Variants in PPFIBP1 observed in about 807,000 individuals in gnomAD.
PPFIBP1 encodes the protein liprin-beta-1.
A neutral mutation model predicts 137.8 loss-of-function variants in PPFIBP1; 112 were observed. The observed-to-expected ratio is 0.81, with a 90% CI of 0.70 to 0.95. PPFIBP1 has a LOEUF of 0.95. PPFIBP1 is among the 40% of genes least tolerant of loss of function. PPFIBP1 has a pLI of 0.00. For synonymous variants in PPFIBP1, 378 were observed against 417.3 expected (o/e 0.91, Z 1.15); for missense variants, 1,083 against 1,196.6 (o/e 0.91, Z 1.40).
At chr12:27,633,808 T>A (rs920371557) in intron 3 of PPFIBP1, among the ~76,000 whole-genome samples, 1 of 137,220 alleles carries the variant, frequency 7.3e-6, no homozygotes, top group African/African-American at 2.6e-5. Flanking sequence ...GAATTCAAAA[T>A]TCACTTTCCA....
chr12:27,680,081 A>G lies in PPFIBP1; in HGVS notation c.1895+20A>G. The G allele has an allele frequency of 6.2e-7, 1 of 1,612,900 alleles. No individual in the cohort carries two copies. Among genetic ancestry groups the G allele is most frequent in the South Asian group, 1.1e-5 (1 of 90,974 alleles). On this transcript the variant is annotated intron_variant, in intron 21 of 29. Transcript: ENST00000228425. ...TAACAGGTAAGAAGAGCCAACTGAT[A>G]GACTTTTGCATCTCTACCAAGCATC...
intron 1 of PPFIBP1, among the ~76,000 whole-genome samples, chr12:27,536,870 G>A (rs548437552): frequency 6.6e-6 from 1 of 152,304 alleles, no homozygotes; most frequent in East Asian, 1.9e-4. Context: ...AGATGTCTCA[G>A]AAGTCAAAGA....
At chr12:27,645,572 C>T (rs368499880) in intron 4 of PPFIBP1, among the ~76,000 whole-genome samples, 3 of 152,034 alleles carry the variant, frequency 2.0e-5, no homozygotes, top group African/African-American at 4.8e-5. Context: ...TAGAAGGTAA[C>T]GTTATACAAA....
chr12:27,593,309 C>G, intron 2 of PPFIBP1: 1 of 362,506 alleles, frequency 2.8e-6, no homozygotes, highest in South Asian at 2.2e-5. Context: ...TCACTTCGGG[C>G]CCCTTGGGAC....
At chr12:27,561,729 C>A (rs147510228) in intron 1 of PPFIBP1, among the ~76,000 whole-genome samples, 2 of 152,100 alleles carry the variant, frequency 1.3e-5, no homozygotes, top group African/African-American at 4.8e-5. Flanking sequence ...ACTCCTCTGC[C>A]TCTGCACATT....
chr12:27,584,899 G>T (rs2051545969), intron 2 of PPFIBP1, among the ~76,000 whole-genome samples: 1 of 152,194 alleles, frequency 6.6e-6, no homozygotes, highest in Non-Finnish European at 1.5e-5. Flanking sequence ...CTAAATAAAT[G>T]AATGAAAGAG....
At chr12:27,533,632 C>T (rs779854730) in intron 1 of PPFIBP1, among the ~76,000 whole-genome samples, 13 of 152,128 alleles carry the variant, frequency 8.5e-5, no homozygotes, top group Non-Finnish European at 1.5e-5. Flanking sequence ...AGATGTTAAG[C>T]AAGAATTTAG....
intron 9 of PPFIBP1, 39 bp from the exon 10 acceptor site, chr12:27,658,777 T>C (rs2139853764): frequency 1.3e-6 from 2 of 1,576,142 alleles, no homozygotes; most frequent in Non-Finnish European, 1.7e-6. Context: ...ATTGTTGTAA[T>C]GTATGCTAAC....
chr12:27,602,160 G>A (rs7961720), intron 2 of PPFIBP1, among the ~76,000 whole-genome samples: 17,764 of 152,148 alleles, frequency 0.12, 1,685 homozygotes, highest in African/African-American at 0.26. Context: ...ATATTCTAGC[G>A]TCAGGATTGG....
chr12:27,646,182 A>T, intron 5 of PPFIBP1, 34 bp downstream of exon 5: 1 of 1,517,168 alleles, frequency 6.6e-7, no homozygotes, highest in Non-Finnish European at 9.1e-7. Context: ...CTTTCCTTGC[A>T]GCATACTTAC....
At position 27,660,936 on chromosome 12, in the gene PPFIBP1, T is replaced by C; in HGVS notation, c.897T>C (p.Asn299=). Residue 299 remains asparagine (N), a synonymous_variant, in exon 11 of 30, where the codon AAT becomes AAC. Coordinates refer to ENST00000228425, the MANE Select transcript of PPFIBP1 (RefSeq NM_003622.4). ...CTGTGGAGTCCTTGATGGCAGCAAA[T>C]GAAGAAAAGGTATCCAGATGAAATT... is the stretch of plus-strand genomic sequence containing the variant. ...KKAVESLMAA[N]EEKDRKIEDL... is the part of the protein sequence containing the mutation. 2 of 1,613,176 alleles carry C rather than the reference T, an allele frequency of 1.2e-6. No individual in the cohort carries two copies. Among genetic ancestry groups the C allele is most frequent in the Non-Finnish European group, 1.7e-6 (2 of 1,179,708 alleles).
chr12:27,692,021 T>C, intron 28 of PPFIBP1, 93 bp downstream of exon 28: 2 of 1,092,554 alleles, frequency 1.8e-6, no homozygotes, highest in East Asian at 2.5e-5. Context: ...AAGGACATTT[T>C]CTTCAAATAA....
At chr12:27,587,599 G>A (rs971317834) in intron 2 of PPFIBP1, among the ~76,000 whole-genome samples, 4 of 143,928 alleles carry the variant, frequency 2.8e-5, no homozygotes, top group East Asian at 4.0e-4. Context: ...CCCCAGCCTC[G>A]GGGACAGAGC....
intron 1 of PPFIBP1, among the ~76,000 whole-genome samples, chr12:27,573,458 A>G (rs1461270696): frequency 6.6e-6 from 1 of 152,138 alleles, no homozygotes; most frequent in African/African-American, 2.4e-5. Flanking sequence ...AGGAGAAAAT[A>G]GGGTCTTTAA....
At chr12:27,644,798 T>C (rs1308186957) in intron 4 of PPFIBP1, among the ~76,000 whole-genome samples, 1 of 152,242 alleles carries the variant, frequency 6.6e-6, no homozygotes, top group East Asian at 1.9e-4. Context: ...ACTCTAAATA[T>C]GCATTGCACC....
chr12:27,535,765 G>A (rs962942982), intron 1 of PPFIBP1, among the ~76,000 whole-genome samples: 6 of 152,236 alleles, frequency 3.9e-5, no homozygotes, highest in East Asian at 1.9e-4. Context: ...AGTTGTCGAC[G>A]CATATGTATA....
chr12:27,658,983 CAGAGTGTACACAAT>C (rs1565957452), intron 10 of PPFIBP1, 135 bp downstream of exon 10: 1 of 803,992 alleles, frequency 1.2e-6, no homozygotes, highest in East Asian at 2.6e-5. Context: ...TCCATTTCTT[CAGAGTGTACACAAT>C]AGAGGGTGGA....
intron 20 of PPFIBP1, 117 bp from the exon 21 acceptor site, chr12:27,679,816 T>G (rs2060774638): frequency 1.4e-6 from 2 of 1,411,552 alleles, no homozygotes; most frequent in Admixed American, 2.2e-5. Flanking sequence ...TTTAAATGTC[T>G]ATGTTAACAA....
At chr12:27,596,506 T>C (rs570462893) in intron 2 of PPFIBP1, among the ~76,000 whole-genome samples, 2 of 152,242 alleles carry the variant, frequency 1.3e-5, no homozygotes, top group African/African-American at 2.4e-5. Flanking sequence ...CCAGCATTTA[T>C]TTTATTTTGT....
Sources: gnomAD v4.1 joint callset for allele counts (sites outside exome capture counted in the v4.1 genomes callset) on GRCh38, gnomAD v4.1.1 for gene constraint, MANE v1.5 for transcripts, NCBI Gene and HGNC (gene_info 2026-07-23, HGNC 2026-07-21) for gene names.